The following OXR1 variants were observed in gnomAD, a reference collection of about 807,000 sequenced individuals.
OXR1 encodes oxidation resistance 1, also known as oxidation resistance protein 1.
Under a neutral mutation model 104.6 loss-of-function variants are expected in OXR1, and 41 were observed. That is an observed-to-expected ratio of 0.39 (90% CI 0.31 to 0.51). The LOEUF (loss-of-function observed/expected upper bound fraction) is 0.51, where lower values mean the gene tolerates loss of function less well. OXR1 is among the 20% of genes least tolerant of loss of function. OXR1 has a pLI of 0.77. For missense variants in OXR1, 955 were observed against 1,031.9 expected (o/e 0.93, Z 1.02); for synonymous variants, 348 against 348.4 (o/e 1.00, Z 0.01).
intron 2 of OXR1, among the ~76,000 whole-genome samples, chr8:106,490,466 C>T (rs1811004265): frequency 1.3e-5 from 2 of 152,150 alleles, no homozygotes; most frequent in Non-Finnish European, 2.9e-5. Flanking sequence ...TCAAGCTATT[C>T]TCCTGCCTCA....
intron 3 of OXR1, among the ~76,000 whole-genome samples, chr8:106,656,770 A>C (rs1825125535): frequency 6.6e-6 from 1 of 151,962 alleles, no homozygotes; most frequent in African/African-American, 2.4e-5. Context: ...CCCACCTAGT[A>C]AGAATCTAAA....
At chr8:106,594,529 G>T (rs1331798568) in intron 3 of OXR1, among the ~76,000 whole-genome samples, 1 of 152,158 alleles carries the variant, frequency 6.6e-6, no homozygotes, top group African/African-American at 2.4e-5. Flanking sequence ...CTTATTAGTT[G>T]AGAGTTGTAC....
intron 1 of OXR1, among the ~76,000 whole-genome samples, chr8:106,337,935 A>G (rs1586540201): frequency 6.6e-6 from 1 of 152,302 alleles, no homozygotes; most frequent in East Asian, 1.9e-4. Flanking sequence ...GTGGCTTTTT[A>G]TAGGTTTAGG....
intron 3 of OXR1, among the ~76,000 whole-genome samples, chr8:106,524,624 A>G (rs1046946223): frequency 2.0e-5 from 3 of 152,254 alleles, no homozygotes; most frequent in Non-Finnish European, 2.9e-5. Context: ...GATGCTGCTC[A>G]GAATAGAATG....
chr8:106,475,154 A>G (rs751619469), intron 2 of OXR1, among the ~76,000 whole-genome samples: 2 of 151,914 alleles, frequency 1.3e-5, no homozygotes, highest in African/African-American at 2.4e-5. Context: ...GTCAAAATCC[A>G]TGTAAGACTT....
intron 1 of OXR1, chr8:106,271,926 G>T (rs1811831109): frequency 6.6e-6 from 1 of 152,094 alleles, no homozygotes; most frequent in Non-Finnish European, 1.5e-5. Context: ...GTCACTCCAG[G>T]GGTCCGCGGT....
chr8:106,436,115 T>TA (rs71307059), intron 2 of OXR1, among the ~76,000 whole-genome samples: 2 of 151,716 alleles, frequency 1.3e-5, no homozygotes, highest in African/African-American at 2.4e-5. Context: ...CCTTTCTTCA[T>TA]AAAAAAAATT....
At chr8:106,673,928 C>T (rs1045562136) in intron 3 of OXR1, among the ~76,000 whole-genome samples, 1 of 152,224 alleles carries the variant, frequency 6.6e-6, no homozygotes, top group African/African-American at 2.4e-5. Context: ...TGTATGCAAA[C>T]ACCTGGATGT....
Position 106,357,663 on chromosome 8 carries a change from A to T in OXR1, c.-138-1813A>T, listed in dbSNP as rs1816031659. ...TATAGGTAAATATTATATTTTATTA[A>T]TCCTTGTATCATTAATACTAATAGT... On this transcript the variant is annotated intron_variant, in intron 1 of 16. Coordinates refer to ENST00000517566, the MANE Select transcript of OXR1 (RefSeq NM_001198533.2). 2.0e-5 allele frequency among the ~76,000 whole-genome samples: 3 copies of T among 152,204 alleles called. No individual in the cohort carries two copies. The South Asian group carries it at 6.2e-4, about 32-fold the overall frequency.
At chr8:106,557,535 T>G (rs1816370539) in intron 3 of OXR1, among the ~76,000 whole-genome samples, 1 of 136,594 alleles carries the variant, frequency 7.3e-6, no homozygotes, top group Admixed American at 7.8e-5. Context: ...AAAACTACTG[T>G]TTTTTAGAAT....
At chr8:106,300,505 A>C (rs1183164144) in intron 1 of OXR1, among the ~76,000 whole-genome samples, 1 of 151,778 alleles carries the variant, frequency 6.6e-6, no homozygotes, top group Non-Finnish European at 1.5e-5. Context: ...GTCTCCTGTT[A>C]TACTAGATCC....
chr8:106,435,908 AT>A (rs1819547543), intron 2 of OXR1, among the ~76,000 whole-genome samples: 1 of 152,108 alleles, frequency 6.6e-6, no homozygotes, highest in Admixed American at 6.6e-5. Context: ...ACCAAAAGTG[AT>A]CTAACCAATC....
At chr8:106,561,861 T>G (rs1816707697) in intron 3 of OXR1, among the ~76,000 whole-genome samples, 1 of 151,978 alleles carries the variant, frequency 6.6e-6, no homozygotes, top group Admixed American at 6.6e-5. Context: ...TCCAGCAAAC[T>G]CCAGTAGACC....
intron 2 of OXR1, among the ~76,000 whole-genome samples, chr8:106,496,852 G>T (rs751366900): frequency 1.3e-5 from 2 of 152,200 alleles, no homozygotes; most frequent in Non-Finnish European, 2.9e-5. Flanking sequence ...TGAAGGATCA[G>T]CTGAGACAGT....
At chr8:106,373,435 T>C (rs1389000420) in intron 2 of OXR1, among the ~76,000 whole-genome samples, 2 of 152,202 alleles carry the variant, frequency 1.3e-5, no homozygotes, top group Admixed American at 6.5e-5. Context: ...ACAGTACCCA[T>C]CCAGGTGCTA....
intron 11 of OXR1, among the ~76,000 whole-genome samples, chr8:106,716,177 C>G (rs1832229584): frequency 6.6e-6 from 1 of 152,096 alleles, no homozygotes; most frequent in Non-Finnish European, 1.5e-5. Context: ...CAGTCTAAAT[C>G]TAATTAAGGT....
intron 3 of OXR1, among the ~76,000 whole-genome samples, chr8:106,589,501 T>C (rs1818913991): frequency 6.6e-6 from 1 of 152,078 alleles, no homozygotes; most frequent in Admixed American, 6.5e-5. Flanking sequence ...TTAGGGAGCC[T>C]TGTACAAATG....
intron 2 of OXR1, among the ~76,000 whole-genome samples, chr8:106,485,717 C>CA (rs1182626713): frequency 7.9e-5 from 12 of 151,902 alleles, no homozygotes; most frequent in African/African-American, 2.9e-4. Context: ...TATGATCTAT[C>CA]AATGGATGAA....
At chr8:106,307,608 G>A (rs1813518905) in intron 1 of OXR1, among the ~76,000 whole-genome samples, 1 of 151,880 alleles carries the variant, frequency 6.6e-6, no homozygotes, top group South Asian at 2.1e-4. Context: ...TCTACCTCCA[G>A]AATGAAAGCA....
Sources: gnomAD v4.1 joint callset for allele counts (sites outside exome capture counted in the v4.1 genomes callset) on GRCh38, gnomAD v4.1.1 for gene constraint, MANE v1.5 for transcripts, NCBI Gene and HGNC (gene_info 2026-07-23, HGNC 2026-07-21) for gene names.